Variants in LHFPL3 observed in about 807,000 individuals in gnomAD.
LHFPL3 encodes the protein LHFPL tetraspan subfamily member 3.
In LHFPL3, 5 loss-of-function variants were observed where a neutral mutation model predicts 19.3. That is an observed-to-expected ratio of 0.26 (90% CI 0.14 to 0.54). The LOEUF is 0.54. Ranked by LOEUF, LHFPL3 falls within the 20% of genes least tolerant of loss-of-function variation. LHFPL3 has a pLI of 0.94. For synonymous variants in LHFPL3, 133 were observed against 126.2 expected, an observed-to-expected ratio of 1.05 and a Z score of -0.36; for missense variants, 249 against 307.4, an observed-to-expected ratio of 0.81 and a Z score of 1.42.
chr7:104,780,316 C>T (rs921938401), intron 2 of LHFPL3, among the ~76,000 whole-genome samples: 1 of 152,336 alleles, frequency 6.6e-6, no homozygotes, highest in Non-Finnish European at 1.5e-5. Context: ...CCTGACACCT[C>T]CATTCTTTGG....
chr7:104,522,399 A>T (rs1279634647), intron 1 of LHFPL3, among the ~76,000 whole-genome samples: 1 of 31,454 alleles, frequency 3.2e-5, no homozygotes, highest in Non-Finnish European at 5.7e-5. Flanking sequence ...GGGTGGGGGG[A>T]GGGGGGAGGG....
chr7:104,344,402 C>T (rs1454003827), intron 1 of LHFPL3, among the ~76,000 whole-genome samples: 10 of 151,976 alleles, frequency 6.6e-5, no homozygotes, highest in Admixed American at 6.6e-4. Context: ...CTTTTAAATC[C>T]CCAATCCCAC....
chr7:104,536,884 C>T (rs1794398485), intron 1 of LHFPL3, among the ~76,000 whole-genome samples: 1 of 152,178 alleles, frequency 6.6e-6, no homozygotes, highest in South Asian at 2.1e-4. Context: ...CAGGCAACAC[C>T]ACTAGGCTTC....
chr7:104,411,590 C>A (rs542782218), intron 1 of LHFPL3, among the ~76,000 whole-genome samples: 1 of 152,056 alleles, frequency 6.6e-6, no homozygotes, highest in Non-Finnish European at 1.5e-5. Flanking sequence ...AGTTTCAGAA[C>A]AATAAAAATA....
intron 1 of LHFPL3, among the ~76,000 whole-genome samples, chr7:104,568,169 G>A (rs77392171): frequency 0.049 from 7,390 of 152,176 alleles, 235 homozygotes; most frequent in African/African-American, 0.087. Context: ...AGAATCACCT[G>A]GGGAGAATTT....
At chr7:104,490,590 T>G (rs1562913968) in intron 1 of LHFPL3, among the ~76,000 whole-genome samples, 1 of 152,010 alleles carries the variant, frequency 6.6e-6, no homozygotes, top group Non-Finnish European at 1.5e-5. Context: ...AAAACAACTC[T>G]AGTTCTCCAC....
At chr7:104,718,393 G>A (rs986377253) in intron 1 of LHFPL3, among the ~76,000 whole-genome samples, 6 of 152,098 alleles carry the variant, frequency 3.9e-5, no homozygotes, top group African/African-American at 9.7e-5. Context: ...ATTTCCAAAC[G>A]GGTCTTTTGG....
intron 1 of LHFPL3, among the ~76,000 whole-genome samples, chr7:104,389,239 A>G (rs182754008): frequency 1.2e-3 from 184 of 152,320 alleles, no homozygotes; most frequent in Non-Finnish European, 2.2e-3. Flanking sequence ...AATGACCAAT[A>G]TGAAAAGGAA....
intron 1 of LHFPL3, among the ~76,000 whole-genome samples, chr7:104,376,314 G>T (rs1032817437): frequency 3.3e-5 from 5 of 152,212 alleles, no homozygotes; most frequent in African/African-American, 1.2e-4. Flanking sequence ...ATTTTGGTGT[G>T]AAAGATTAAG....
Position 104,584,242 on chromosome 7 carries a change from G to A in LHFPL3, c.446-152433G>A, listed in dbSNP as rs539721789. Among the ~76,000 whole-genome samples the A allele has an allele frequency of 1.8e-3, 271 of 152,062 alleles. 2 individuals carry two copies. The highest frequency in any genetic ancestry group is 6.0e-3 in the African/African-American group (250 of 41,464). On this transcript the variant is annotated intron_variant, in intron 1 of 2. Transcript: ENST00000424859. ...CAAACACCGCATGTTCTAACTCATA[G>A]GTGGGAATTGAACAATGAGAACACA... is the stretch of plus-strand genomic sequence containing the variant.
intron 1 of LHFPL3, among the ~76,000 whole-genome samples, chr7:104,582,870 A>G (rs1790488050): frequency 1.3e-5 from 2 of 151,906 alleles, no homozygotes; most frequent in South Asian, 4.1e-4. Context: ...TGCATCTAGT[A>G]TATATTATTT....
intron 1 of LHFPL3, among the ~76,000 whole-genome samples, chr7:104,588,248 A>G (rs955361866): frequency 1.3e-5 from 2 of 152,196 alleles, no homozygotes; most frequent in African/African-American, 4.8e-5. Context: ...TTATGGTTTC[A>G]GGTCCAACAT....
intron 2 of LHFPL3, among the ~76,000 whole-genome samples, chr7:104,831,637 C>A (rs1440871133): frequency 6.6e-6 from 1 of 151,852 alleles, no homozygotes; most frequent in Non-Finnish European, 1.5e-5. Context: ...TACAGATTCT[C>A]TGAGAGCTTC....
At chr7:104,755,355 T>C (rs549037655) in intron 2 of LHFPL3, among the ~76,000 whole-genome samples, 20 of 152,192 alleles carry the variant, frequency 1.3e-4, no homozygotes, top group Middle Eastern at 3.4e-3. Context: ...ACAAAGGACA[T>C]GGGTACTGGG....
chr7:104,684,082 C>A (rs1200604598), intron 1 of LHFPL3, among the ~76,000 whole-genome samples: 1 of 152,172 alleles, frequency 6.6e-6, no homozygotes, highest in Non-Finnish European at 1.5e-5. Context: ...TAATTTATAA[C>A]TCTGGGTTTA....
At chr7:104,603,130 C>CTT (rs1181148779) in intron 1 of LHFPL3, among the ~76,000 whole-genome samples, 2 of 98,726 alleles carry the variant, frequency 2.0e-5, no homozygotes, top group African/African-American at 8.2e-5. Flanking sequence ...TTCTTTCTTT[C>CTT]TTTTTTCCCT....
intron 1 of LHFPL3, among the ~76,000 whole-genome samples, chr7:104,565,852 C>G (rs1283992201): frequency 6.6e-6 from 1 of 151,976 alleles, no homozygotes; most frequent in Non-Finnish European, 1.5e-5. Flanking sequence ...TTCGATTAGT[C>G]AACAGAAACT....
At chr7:104,569,087 G>A (rs1790178191) in intron 1 of LHFPL3, among the ~76,000 whole-genome samples, 1 of 152,242 alleles carries the variant, frequency 6.6e-6, no homozygotes, top group East Asian at 1.9e-4. Context: ...CTCATCTTTA[G>A]TGTTCTAGCT....
intron 1 of LHFPL3, among the ~76,000 whole-genome samples, chr7:104,472,830 A>G (rs1004434046): frequency 6.6e-6 from 1 of 152,138 alleles, no homozygotes; most frequent in South Asian, 2.1e-4. Context: ...TAATTTAATC[A>G]GTTCTGTTTT....
Sources: allele counts gnomAD v4.1 joint callset (sites outside exome capture counted in the v4.1 genomes callset), GRCh38; gene constraint gnomAD v4.1.1; transcripts MANE v1.5; gene names NCBI Gene and HGNC (gene_info 2026-07-23, HGNC 2026-07-21).